Variants in ZC3HAV1 observed in about 807,000 individuals in gnomAD.
The protein encoded by ZC3HAV1 is zinc finger CCCH-type containing, antiviral 1.
A neutral mutation model predicts 86.6 loss-of-function variants in ZC3HAV1; 41 were observed. That is an observed-to-expected ratio of 0.47 (90% confidence interval 0.37 to 0.61). The LOEUF (loss-of-function observed/expected upper bound fraction) is 0.61, where lower values mean the gene tolerates loss of function less well. Among genes scored for constraint, ZC3HAV1 ranks in the 20% least tolerant of loss-of-function variants. ZC3HAV1 has a pLI of 0.00. For synonymous variants in ZC3HAV1, 421 were observed against 432.1 expected (o/e 0.97, Z 0.32); for missense variants, 964 against 1,141.1 (o/e 0.84, Z 2.24).
At chr7:139,079,154 G>C in intron 4 of ZC3HAV1, 1 of 1,536,186 alleles carries the variant, frequency 6.5e-7, no homozygotes, top group Non-Finnish European at 8.7e-7. Flanking sequence ...AGAGGAAACA[G>C]GAACCTGGGT....
chr7:139,073,454 G>C (rs1049724483), intron 7 of ZC3HAV1, among the ~76,000 whole-genome samples: 2 of 151,804 alleles, frequency 1.3e-5, no homozygotes, highest in African/African-American at 4.8e-5. Flanking sequence ...AACCATGTAG[G>C]CTTCAAACAT....
intron 12 of ZC3HAV1, among the ~76,000 whole-genome samples, chr7:139,048,212 G>A (rs1816017020): frequency 6.6e-6 from 1 of 152,156 alleles, no homozygotes; most frequent in Non-Finnish European, 1.5e-5. Flanking sequence ...TTGATGCTTC[G>A]TCCTCAACTC....
rs10544425 is a variant in ZC3HAV1, at chr7:139,088,031, CAAAAAAA to C, written c.444+1586_444+1592del. Among the ~76,000 whole-genome samples, 199 of 57,872 alleles carry C rather than the reference CAAAAAAA, an allele frequency of 3.4e-3. 1 individual carries two copies. Among genetic ancestry groups the C allele is most frequent in the Admixed American group, 6.9e-3 (30 of 4,350 alleles). The allele number at this position is 57,872 out of a possible 152,430, so 38.0% of individuals were successfully genotyped here. ...CGGGTGACAGAGCAAGATCCTGTCTCAAAAAAAAAAAAAAAAAAAAAAAAGAAAAAAG... is the reference window on the plus strand; with the variant it reads ...CGGGTGACAGAGCAAGATCCTGTCTCAAAAAAAAAAAAAAAAAGAAAAAAG... On this transcript the variant is annotated intron_variant, in intron 2 of 12. Coordinates refer to ENST00000242351, the MANE Select transcript of ZC3HAV1 (RefSeq NM_020119.4).
chr7:139,055,104 G>A (rs1816244781), intron 10 of ZC3HAV1, 101 bp downstream of exon 10: 1 of 1,057,420 alleles, frequency 9.5e-7, no homozygotes, highest in Non-Finnish European at 1.4e-6. Flanking sequence ...TAAGAGTTTT[G>A]CGGGAGCAAT....
At chr7:139,081,767 A>T (rs998988115) in intron 3 of ZC3HAV1, among the ~76,000 whole-genome samples, 1 of 152,246 alleles carries the variant, frequency 6.6e-6, no homozygotes, top group African/African-American at 2.4e-5. Flanking sequence ...TGTGAGGAAC[A>T]ATGATGAAAT....
At chr7:139,088,031 C>CAAAAAAAAAAAAAA (rs10544425) in intron 2 of ZC3HAV1, among the ~76,000 whole-genome samples, 3 of 57,876 alleles carry the variant, frequency 5.2e-5, no homozygotes, top group East Asian at 5.2e-4. Context: ...GATCCTGTCT[C>CAAAAAAAAAAAAAA]AAAAAAAAAA....
intron 1 of ZC3HAV1, among the ~76,000 whole-genome samples, chr7:139,094,676 A>G (rs1221197780): frequency 1.3e-5 from 2 of 152,192 alleles, no homozygotes; most frequent in Non-Finnish European, 2.9e-5. Context: ...GGTGCAGTCT[A>G]AACAACTAGC....
intron 7 of ZC3HAV1, among the ~76,000 whole-genome samples, chr7:139,070,465 C>T (rs10280498): frequency 0.25 from 38,226 of 150,434 alleles, 6,718 homozygotes; most frequent in African/African-American, 0.47. Context: ...GAGATCGAGA[C>T]CATCCTGGCT....
Position 139,045,594 on chromosome 7 carries a change from G to C in ZC3HAV1, c.*2000C>G, listed in dbSNP as rs184647062. 1 of 152,180 alleles carries C rather than the reference G, an allele frequency of 6.6e-6. No individual in the cohort carries two copies. Among genetic ancestry groups the C allele is most frequent in the African/African-American group, 2.4e-5 (1 of 41,450 alleles). The allele number at this position is 152,180 out of a possible 1,614,324, so 9.4% of individuals were successfully genotyped here. On this transcript the variant is annotated 3_prime_UTR_variant, in exon 13 of 13. Coordinates refer to ENST00000242351, the MANE Select transcript of ZC3HAV1 (RefSeq NM_020119.4). ...AAAGATGACTTCCAGATTTCTGCTT[G>C]AGCCAATGGGTAGATGGTGATGCTT...
At chr7:139,097,677 G>C (rs374859476) in intron 1 of ZC3HAV1, among the ~76,000 whole-genome samples, 2 of 151,140 alleles carry the variant, frequency 1.3e-5, no homozygotes, top group Non-Finnish European at 2.9e-5. Flanking sequence ...CTCGTGATCC[G>C]CTCGCCTCGG....
At chr7:139,076,658 G>A (rs1311574897) in intron 5 of ZC3HAV1, among the ~76,000 whole-genome samples, 3 of 152,136 alleles carry the variant, frequency 2.0e-5, no homozygotes, top group Non-Finnish European at 4.4e-5. Context: ...CTGGGAGGCC[G>A]AAACAGGCGG....
Position 139,061,229 on chromosome 7 carries a change from C to G in ZC3HAV1, c.1994-91G>C, listed in dbSNP as rs1037449973. ...TATTTTGCAGAGGCTATTTACACGG[C>G]AAATATTCAAGACTGACCTGTATGT... On this transcript the variant is annotated intron_variant, in intron 8 of 12. Transcript: ENST00000242351. The G allele has an allele frequency of 3.2e-6, 4 of 1,251,896 alleles. No individual in the cohort carries two copies. The African/African-American group carries it at 4.5e-5, about 14-fold the overall frequency. 77.5% of individuals were successfully genotyped at this position (1,251,896 alleles called of 1,614,324 possible).
In ZC3HAV1 at chr7:139,109,169, C is replaced by G. The variant is rs764396191; in HGVS notation, c.163G>C (p.Gly55Arg). 13 of 1,600,088 alleles carry G rather than the reference C, an allele frequency of 8.1e-6. No homozygotes were observed. The highest frequency in any genetic ancestry group is 1.1e-5 in the South Asian group (1 of 89,240). The stretch of plus-strand genomic sequence containing the variant: ...GATCGGGTGATCCCGGCCTCGCCGC[C>G]GGTCTCCAACACCACAAAGCGGTCG... ...GPDRFVVLETGGEAGITRSVV... is the reference protein window; with the variant it reads ...GPDRFVVLETRGEAGITRSVV... The change falls in exon 1 of 13, where the codon GGC becomes CGC. Residue 55 changes from glycine to arginine, a missense_variant. Gly to Arg is a moderately radical substitution (Grantham distance 125). Coordinates refer to ENST00000242351, the MANE Select transcript of ZC3HAV1 (RefSeq NM_020119.4).
chr7:139,071,694 A>T (rs952340600), intron 7 of ZC3HAV1, among the ~76,000 whole-genome samples: 10 of 152,158 alleles, frequency 6.6e-5, no homozygotes, highest in African/African-American at 2.2e-4. Flanking sequence ...TTCCACAGAG[A>T]TGCTACATGG....
intron 1 of ZC3HAV1, 117 bp from the exon 2 acceptor site, chr7:139,089,876 A>G (rs1817379405): frequency 1.7e-6 from 2 of 1,145,208 alleles, no homozygotes; most frequent in South Asian, 3.7e-5. Flanking sequence ...GACAACAGAC[A>G]CAGGTTGGTT....
At chr7:139,097,428 A>ATATATATATATATATATATTTTT in intron 1 of ZC3HAV1, among the ~76,000 whole-genome samples, 3 of 48,158 alleles carry the variant, frequency 6.2e-5, no homozygotes, top group African/African-American at 2.3e-4. Flanking sequence ...ATATATATAT[A>ATATATATATATATATATATTTTT]TTTTTTTTTT....
intron 3 of ZC3HAV1, among the ~76,000 whole-genome samples, chr7:139,083,069 T>G (rs557864465): frequency 1.4e-5 from 2 of 144,844 alleles, no homozygotes; most frequent in Non-Finnish European, 3.0e-5. Context: ...AACACCAAAA[T>G]GTTCTACGTG....
At chr7:139,098,211 A>G (rs1817661472) in intron 1 of ZC3HAV1, among the ~76,000 whole-genome samples, 1 of 152,146 alleles carries the variant, frequency 6.6e-6, no homozygotes, top group Admixed American at 6.5e-5. Context: ...AAGTGCTAGG[A>G]TTACAGCATG....
chr7:139,089,180 C>CTAGA (rs1342058106), intron 2 of ZC3HAV1, among the ~76,000 whole-genome samples: 7 of 150,522 alleles, frequency 4.7e-5, no homozygotes, highest in Admixed American at 4.6e-4. Context: ...GACCCCTGAC[C>CTAGA]TAGATTATCA....
Sources: allele counts gnomAD v4.1 joint callset (sites outside exome capture counted in the v4.1 genomes callset), GRCh38; gene constraint gnomAD v4.1.1; transcripts MANE v1.5; gene names NCBI Gene and HGNC (gene_info 2026-07-23, HGNC 2026-07-21).